Variants in DIAPH3 observed in about 807,000 individuals in gnomAD.
DIAPH3 encodes diaphanous related formin 3.
A neutral mutation model predicts 144.3 loss-of-function variants in DIAPH3; 117 were observed. The ratio of observed to expected loss-of-function variants is 0.81; its 90% CI spans 0.70 to 0.95. The LOEUF (loss-of-function observed/expected upper bound fraction) is 0.95. Among genes scored for constraint, DIAPH3 ranks in the 40% least tolerant of loss-of-function variants. DIAPH3 has a pLI of 0.00. For synonymous variants in DIAPH3, 519 were observed against 488.9 expected (o/e 1.06, Z -0.81); for missense variants, 1,421 against 1,412.7 (o/e 1.01, Z -0.09).
intron 25 of DIAPH3, among the ~76,000 whole-genome samples, chr13:59,803,782 G>C (rs1184753763): frequency 6.6e-6 from 1 of 152,152 alleles, no homozygotes; most frequent in Non-Finnish European, 1.5e-5. Flanking sequence ...TGTTATTCCA[G>C]TGAAAGAGAT....
chr13:59,847,379 T>C (rs1241597296), intron 22 of DIAPH3, among the ~76,000 whole-genome samples: 1 of 152,170 alleles, frequency 6.6e-6, no homozygotes, highest in Non-Finnish European at 1.5e-5. Flanking sequence ...ATACAACCAA[T>C]TAAAGGCCCC....
intron 20 of DIAPH3, among the ~76,000 whole-genome samples, chr13:59,905,735 G>A (rs1014477153): frequency 6.6e-6 from 1 of 152,158 alleles, no homozygotes; most frequent in African/African-American, 2.4e-5. Flanking sequence ...AGGGAAGCAG[G>A]AGGGTCAGAG....
rs1223419708 is a variant in DIAPH3 at position 60,112,168 on chromosome 13, T to C, written c.232A>G (p.Ile78Val). 1.9e-6 allele frequency: 3 copies of C among 1,614,116 alleles called. No homozygotes were observed. Among genetic ancestry groups the C allele is most frequent in the Admixed American group, 1.7e-5 (1 of 60,018 alleles). The change falls in exon 3 of 28, where the codon ATA (isoleucine) becomes GTA (valine). Residue 78 changes from isoleucine to valine, a missense_variant. By Grantham distance (29) the Ile-to-Val change is conservative. Transcript: ENST00000400324. The part of the protein sequence containing the change: ...TDDMLDKFAS[I>V]RIPGSKKERP... ...TCTTTCTTGCTCCCTGGAATTCTTA[T>C]GCTGGCAAATTTGTCCAGCTACAAA...
At chr13:59,704,911 A>C (rs1451029931) in intron 27 of DIAPH3, among the ~76,000 whole-genome samples, 2 of 152,218 alleles carry the variant, frequency 1.3e-5, no homozygotes, top group Admixed American at 6.5e-5. Flanking sequence ...TGTAACTTCC[A>C]GGAGGTCTAA....
At chr13:59,930,483 G>C (rs1457325360) in intron 17 of DIAPH3, among the ~76,000 whole-genome samples, 2 of 152,124 alleles carry the variant, frequency 1.3e-5, no homozygotes, top group Admixed American at 1.3e-4. Context: ...GTAAGAAGGT[G>C]GGGGTATGTG....
intron 25 of DIAPH3, among the ~76,000 whole-genome samples, chr13:59,807,600 G>A (rs1283831975): frequency 6.6e-6 from 1 of 151,890 alleles, no homozygotes; most frequent in Non-Finnish European, 1.5e-5. Flanking sequence ...GGGCACCCCT[G>A]AAAAATGTTA....
intron 22 of DIAPH3, among the ~76,000 whole-genome samples, chr13:59,841,425 C>T (rs2042335863): frequency 1.3e-5 from 2 of 150,902 alleles, no homozygotes; most frequent in South Asian, 4.2e-4. Context: ...TCTGTGCCTC[C>T]AAAAATTAAA....
intron 27 of DIAPH3, among the ~76,000 whole-genome samples, chr13:59,708,013 C>A (rs927864013): frequency 1.3e-4 from 19 of 151,806 alleles, no homozygotes; most frequent in African/African-American, 4.6e-4. Flanking sequence ...AAACCCTTCC[C>A]TTGATCCTAA....
intron 1 of DIAPH3, among the ~76,000 whole-genome samples, chr13:60,142,907 C>A (rs1182791221): frequency 6.7e-6 from 1 of 149,166 alleles, no homozygotes; most frequent in African/African-American, 2.4e-5. Context: ...ACCACCATGC[C>A]CCACATTTTT....
chr13:59,829,417 C>T (rs1593583968), intron 24 of DIAPH3, among the ~76,000 whole-genome samples: 1 of 151,844 alleles, frequency 6.6e-6, no homozygotes, highest in Non-Finnish European at 1.5e-5. Flanking sequence ...TGGAGCCAGA[C>T]AGCCTGGAAA....
intron 27 of DIAPH3, among the ~76,000 whole-genome samples, chr13:59,691,239 G>A (rs574786357): frequency 6.6e-6 from 1 of 152,238 alleles, no homozygotes; most frequent in African/African-American, 2.4e-5. Context: ...CCAAAGGAAA[G>A]GGGATGACTA....
At chr13:59,722,490 G>A (rs561605462) in intron 27 of DIAPH3, among the ~76,000 whole-genome samples, 3 of 152,266 alleles carry the variant, frequency 2.0e-5, no homozygotes, top group Non-Finnish European at 2.9e-5. Context: ...AATTGCTCAC[G>A]GTTAGGATGT....
intron 1 of DIAPH3, among the ~76,000 whole-genome samples, chr13:60,146,609 T>C (rs887702713): frequency 1.3e-5 from 2 of 152,230 alleles, no homozygotes; most frequent in African/African-American, 4.8e-5. Context: ...TTACAGTCTA[T>C]ATTGCAGTCT....
chr13:59,677,060 G>A (rs1159465520), intron 27 of DIAPH3, among the ~76,000 whole-genome samples: 1 of 152,020 alleles, frequency 6.6e-6, no homozygotes, highest in African/African-American at 2.4e-5. Context: ...TATGAAGGCA[G>A]GTATCTTGTT....
chr13:59,909,378 T>G (rs2046886160), intron 20 of DIAPH3, among the ~76,000 whole-genome samples: 2 of 151,872 alleles, frequency 1.3e-5, no homozygotes, highest in African/African-American at 4.8e-5. Context: ...AAGGATTGTT[T>G]GGAGCTTTAA....
chr13:59,817,951 C>G (rs1234341030), intron 24 of DIAPH3, among the ~76,000 whole-genome samples: 2 of 151,894 alleles, frequency 1.3e-5, no homozygotes, highest in Admixed American at 1.3e-4. Flanking sequence ...TTATTGTGTA[C>G]TTTCTTTACA....
intron 5 of DIAPH3, among the ~76,000 whole-genome samples, chr13:60,032,011 C>G (rs941442972): frequency 2.6e-5 from 4 of 152,052 alleles, no homozygotes; most frequent in Admixed American, 1.3e-4. Context: ...AGGCGTGAGT[C>G]ACCGCACCTG....
At chr13:60,043,830 G>A (rs576704172) in intron 4 of DIAPH3, among the ~76,000 whole-genome samples, 5 of 152,178 alleles carry the variant, frequency 3.3e-5, no homozygotes, top group Non-Finnish European at 7.3e-5. Flanking sequence ...GCATTGCACT[G>A]TAAATAATAA....
At chr13:60,096,747 G>T (rs1476600868) in intron 3 of DIAPH3, among the ~76,000 whole-genome samples, 2 of 152,148 alleles carry the variant, frequency 1.3e-5, no homozygotes, top group African/African-American at 4.8e-5. Flanking sequence ...AGAACTCCAG[G>T]TTCTTCAAGC....
Sources: allele counts gnomAD v4.1 joint callset (sites outside exome capture counted in the v4.1 genomes callset), GRCh38; gene constraint gnomAD v4.1.1; transcripts MANE v1.5; gene names NCBI Gene and HGNC (gene_info 2026-07-23, HGNC 2026-07-21).